DCAF6: variants seen among roughly 807,000 people sequenced by gnomAD.
DCAF6 encodes DDB1 and CUL4 associated factor 6.
Under a neutral mutation model 125.1 loss-of-function variants are expected in DCAF6, and 54 were observed. The ratio of observed to expected loss-of-function variants is 0.43; its 90% CI spans 0.35 to 0.54. The LOEUF (loss-of-function observed/expected upper bound fraction) is 0.54. Among genes scored for constraint, DCAF6 ranks in the 20% least tolerant of loss-of-function variants. The probability of loss-of-function intolerance (pLI) is 0.01; values close to 1 mark genes in which losing one functional copy is unlikely to be tolerated. For missense variants in DCAF6, 934 were observed against 1,161.7 expected (o/e 0.80, Z 2.85); for synonymous variants, 371 against 390.4 (o/e 0.95, Z 0.58).
At chr1:167,876,964 G>A in the DCAF6 span, among the ~76,000 whole-genome samples, 1 of 152,126 alleles carries the variant, frequency 6.6e-6, no homozygotes, top group Admixed American at 6.6e-5. Context: ...AACTGAGGCC[G>A]CCAGGTTGGC....
chr1:167,923,168 A>G, the DCAF6 span, among the ~76,000 whole-genome samples: 230 of 152,328 alleles, frequency 1.5e-3, 2 homozygotes, highest in Non-Finnish European at 2.4e-3. Context: ...CAGAATTATC[A>G]TATGATCTAG....
Position 168,045,113 on chromosome 1 carries a change from C to T in DCAF6, c.2144C>T (p.Pro715Leu). The change falls in exon 16 of 22, where the codon CCT (proline) becomes CTT (leucine). Residue 715 changes from proline to leucine, a missense_variant. By Grantham distance (98) the Pro-to-Leu change is moderately conservative. Transcript: ENST00000367840. Reference sequence around the variant, plus strand: ...CAGTTCCAAACAGAAGCCACTGGGCCTTCAGCTCATGAAGAAACATCCACC... The same window carrying T: ...CAGTTCCAAACAGAAGCCACTGGGCTTTCAGCTCATGAAGAAACATCCACC... ...EPQFQTEATG[P>L]SAHEETSTRD... 6.2e-7 allele frequency: 1 copy of T among 1,614,020 alleles called. No individual in the cohort carries two copies.
At chr1:167,947,202 G>A (rs1227114722) in intron 1 of DCAF6, among the ~76,000 whole-genome samples, 3 of 152,060 alleles carry the variant, frequency 2.0e-5, no homozygotes, top group African/African-American at 4.8e-5. Context: ...TACTTCTGTG[G>A]AATCAGTTGT....
At chr1:168,068,528 C>A in intron 21 of DCAF6, 65 bp downstream of exon 21, 1 of 870,922 alleles carries the variant, frequency 1.1e-6, no homozygotes, top group Non-Finnish European at 1.6e-6. Flanking sequence ...TATTTAAGAT[C>A]TGCTTTAAAG....
chr1:168,071,668 G>T (rs542788941), intron 21 of DCAF6, among the ~76,000 whole-genome samples: 2 of 152,142 alleles, frequency 1.3e-5, no homozygotes, highest in Middle Eastern at 3.4e-3. Flanking sequence ...GGCTGTATTT[G>T]CCTATGGGCT....
At chr1:167,925,454 TATATATATATATATATATATAC>T in the DCAF6 span, among the ~76,000 whole-genome samples, 2,285 of 114,666 alleles carry the variant, frequency 0.02, 107 homozygotes, top group African/African-American at 0.077. Flanking sequence ...TATATATATA[TATATATATATATATATATATAC>T]ATATACATAT....
At chr1:168,069,753 T>A (rs958336818) in intron 21 of DCAF6, among the ~76,000 whole-genome samples, 1 of 152,116 alleles carries the variant, frequency 6.6e-6, no homozygotes, top group Non-Finnish European at 1.5e-5. Context: ...CAACAAAAAA[T>A]AAACCTGGAA....
At chr1:168,021,105 A>G (rs997660859) in intron 11 of DCAF6, among the ~76,000 whole-genome samples, 2 of 152,136 alleles carry the variant, frequency 1.3e-5, no homozygotes, top group Non-Finnish European at 2.9e-5. Flanking sequence ...ACAGCATTCT[A>G]TATCTTTCAT....
At chr1:167,962,265 C>T (rs552635597) in intron 2 of DCAF6, among the ~76,000 whole-genome samples, 1 of 151,996 alleles carries the variant, frequency 6.6e-6, no homozygotes, top group Admixed American at 6.6e-5. Flanking sequence ...CCTGCTAGGT[C>T]TGTCTGTTTC....
intron 7 of DCAF6, among the ~76,000 whole-genome samples, chr1:168,001,680 G>A (rs967448838): frequency 6.6e-6 from 1 of 152,106 alleles, no homozygotes; most frequent in African/African-American, 2.4e-5. Flanking sequence ...TTAGCATGCT[G>A]TGGCAAAGAG....
intron 10 of DCAF6, among the ~76,000 whole-genome samples, chr1:168,007,599 A>AT (rs1329911223): frequency 1.8e-4 from 27 of 152,168 alleles, no homozygotes; most frequent in Admixed American, 1.8e-3. Flanking sequence ...ACCCGGTTGC[A>AT]TTTAACATAG....
intron 14 of DCAF6, 109 bp downstream of exon 14, chr1:168,043,249 T>G (rs1019630472): frequency 2.4e-6 from 2 of 849,314 alleles, no homozygotes; most frequent in Non-Finnish European, 3.7e-6. Context: ...AATAAATTAC[T>G]TTTGCTTCTA....
At chr1:167,958,841 A>G (rs530848415) in intron 2 of DCAF6, among the ~76,000 whole-genome samples, 4 of 152,304 alleles carry the variant, frequency 2.6e-5, no homozygotes, top group African/African-American at 9.6e-5. Flanking sequence ...CTTCCACCTG[A>G]GTGGTACATT....
the DCAF6 span, among the ~76,000 whole-genome samples, chr1:167,911,658 A>G: frequency 6.6e-6 from 1 of 152,078 alleles, no homozygotes; most frequent in Non-Finnish European, 1.5e-5. Flanking sequence ...TGTTCAGTGT[A>G]CTCTCGTGGC....
the DCAF6 span, chr1:167,899,474 A>G: frequency 6.2e-7 from 1 of 1,614,250 alleles, no homozygotes; most frequent in East Asian, 2.2e-5. Flanking sequence ...TGCTCCGGTC[A>G]CAGAGCTGCC....
chr1:167,880,385 T>C, the DCAF6 span: 1 of 1,006,316 alleles, frequency 9.9e-7, no homozygotes, highest in Non-Finnish European at 1.6e-6. Flanking sequence ...GACACAGGAC[T>C]AAGTTCTTAA....
At chr1:167,927,461 G>A in the DCAF6 span, among the ~76,000 whole-genome samples, 1 of 152,080 alleles carries the variant, frequency 6.6e-6, no homozygotes. Flanking sequence ...TTTTATCCTC[G>A]CATGGAGTTT....
the DCAF6 span, among the ~76,000 whole-genome samples, chr1:167,870,683 C>T: frequency 6.6e-6 from 1 of 150,546 alleles, no homozygotes; most frequent in Non-Finnish European, 1.5e-5. Flanking sequence ...GTGGCGGGTG[C>T]CTGTAGTCCC....
intron 17 of DCAF6, among the ~76,000 whole-genome samples, chr1:168,053,447 G>T (rs1412424909): frequency 6.6e-6 from 1 of 152,048 alleles, no homozygotes; most frequent in Non-Finnish European, 1.5e-5. Flanking sequence ...ACTGTTTCAG[G>T]GGTCCCACGG....
Sources: allele counts gnomAD v4.1 joint callset (sites outside exome capture counted in the v4.1 genomes callset), GRCh38; gene constraint gnomAD v4.1.1; transcripts MANE v1.5; gene names NCBI Gene and HGNC (gene_info 2026-07-23, HGNC 2026-07-21).